ENTREP2: variants seen among roughly 807,000 people sequenced by gnomAD.
The protein encoded by ENTREP2 is protein ENTREP2.
At chr15:29,610,219 A>G in the ENTREP2 span, 1 of 150,646 alleles carries the variant, frequency 6.6e-6, no homozygotes, top group Non-Finnish European at 1.5e-5. Flanking sequence ...GTACCATCCA[A>G]TCTTTGTCTA....
At chr15:29,526,293 A>T in the ENTREP2 span, among the ~76,000 whole-genome samples, 31 of 152,280 alleles carry the variant, frequency 2.0e-4, no homozygotes, top group East Asian at 5.2e-3. Flanking sequence ...GAAAGTGTCC[A>T]TCTTCCAAAA....
At chr15:29,264,122 T>C in the ENTREP2 span, among the ~76,000 whole-genome samples, 1 of 74,188 alleles carries the variant, frequency 1.3e-5, no homozygotes, top group East Asian at 4.2e-4. Flanking sequence ...ACCAATCCAC[T>C]ACAGCCTGGG....
the ENTREP2 span, among the ~76,000 whole-genome samples, chr15:29,319,509 C>T: frequency 7.9e-5 from 12 of 152,180 alleles, no homozygotes; most frequent in Non-Finnish European, 1.8e-4. Context: ...AGATTTCTGA[C>T]ACATAAACCA....
chr15:29,378,432 G>A, the ENTREP2 span, among the ~76,000 whole-genome samples: 2 of 152,172 alleles, frequency 1.3e-5, no homozygotes, highest in African/African-American at 4.8e-5. Flanking sequence ...CAGATATGTG[G>A]TCAAACACTA....
chr15:29,208,191 T>C, the ENTREP2 span, among the ~76,000 whole-genome samples: 1 of 116,522 alleles, frequency 8.6e-6, no homozygotes, highest in Non-Finnish European at 1.7e-5. Flanking sequence ...AGCCTTAGAA[T>C]CCTACTCAAC....
the ENTREP2 span, among the ~76,000 whole-genome samples, chr15:29,458,124 T>C: frequency 6.6e-6 from 1 of 152,156 alleles, no homozygotes; most frequent in South Asian, 2.1e-4. Context: ...ATAGCTAGCA[T>C]GTCGGTCAGT....
chr15:29,664,299 A>T, the ENTREP2 span, among the ~76,000 whole-genome samples: 4 of 152,148 alleles, frequency 2.6e-5, no homozygotes, highest in East Asian at 7.7e-4. Context: ...GTCAACAGCT[A>T]AATTCCTCTA....
chr15:29,276,384 C>A, the ENTREP2 span, among the ~76,000 whole-genome samples: 8 of 152,314 alleles, frequency 5.3e-5, no homozygotes, highest in East Asian at 1.5e-3. Context: ...GGTTTCTAAT[C>A]CCTTTGTTCT....
the ENTREP2 span, among the ~76,000 whole-genome samples, chr15:29,450,441 G>A: frequency 1.3e-5 from 2 of 152,144 alleles, no homozygotes; most frequent in African/African-American, 4.8e-5. Context: ...TCAGTCTTCT[G>A]CCTATGGTTA....
the ENTREP2 span, among the ~76,000 whole-genome samples, chr15:29,221,957 C>A: frequency 6.6e-6 from 1 of 152,182 alleles, no homozygotes; most frequent in Non-Finnish European, 1.5e-5. Context: ...ATTAGGAGCT[C>A]TCCTGCATGA....
chr15:29,173,187 C>T, the ENTREP2 span, among the ~76,000 whole-genome samples: 1 of 152,210 alleles, frequency 6.6e-6, no homozygotes, highest in Non-Finnish European at 1.5e-5. Context: ...GGACAGTCCA[C>T]TGCAGGAATG....
At chr15:29,298,522 G>A in the ENTREP2 span, among the ~76,000 whole-genome samples, 1 of 152,106 alleles carries the variant, frequency 6.6e-6, no homozygotes, top group Non-Finnish European at 1.5e-5. Context: ...ATCAGAAATG[G>A]AAAGGAGGTA....
At chr15:29,296,278 G>A in the ENTREP2 span, among the ~76,000 whole-genome samples, 4 of 152,218 alleles carry the variant, frequency 2.6e-5, no homozygotes, top group Admixed American at 2.0e-4. Context: ...GGGGGTAGCA[G>A]TGGAGGTGAT....
the ENTREP2 span, among the ~76,000 whole-genome samples, chr15:29,594,513 T>C: frequency 6.6e-6 from 1 of 152,110 alleles, no homozygotes; most frequent in Non-Finnish European, 1.5e-5. Flanking sequence ...CCTATTAAAC[T>C]ATAAGAATCG....
chr15:29,569,624 C>T, the ENTREP2 span: 1 of 152,222 alleles, frequency 6.6e-6, no homozygotes, highest in African/African-American at 2.4e-5. Context: ...ATATCTCTCC[C>T]ATTCCCATAA....
chr15:29,562,762 G>A, the ENTREP2 span, among the ~76,000 whole-genome samples: 1 of 147,268 alleles, frequency 6.8e-6, no homozygotes, highest in Non-Finnish European at 1.5e-5. Flanking sequence ...GTTGTTGTTG[G>A]TTTTTTTTGG....
chr15:29,235,229 T>C, the ENTREP2 span: 18 of 548,794 alleles, frequency 3.3e-5, no homozygotes, highest in South Asian at 8.5e-5. Context: ...GATATCATTA[T>C]AGAACATTTA....
At chr15:29,254,161 C>CAAAAAAAAAAA in the ENTREP2 span, among the ~76,000 whole-genome samples, 2 of 61,336 alleles carry the variant, frequency 3.3e-5, no homozygotes, top group Non-Finnish European at 5.5e-5. Context: ...TGTTAAAGAG[C>CAAAAAAAAAAA]AAAAAAAAAA....
At chr15:29,327,899 C>T in the ENTREP2 span, among the ~76,000 whole-genome samples, 149 of 152,248 alleles carry the variant, frequency 9.8e-4, no homozygotes, top group Middle Eastern at 3.4e-3. Flanking sequence ...AAGTTTCTTA[C>T]AAAACGAGAC....
Sources: allele counts gnomAD v4.1 joint callset (sites outside exome capture counted in the v4.1 genomes callset), GRCh38; gene constraint gnomAD v4.1.1; transcripts MANE v1.5; gene names NCBI Gene and HGNC (gene_info 2026-07-23, HGNC 2026-07-21).